GRAMD2A: variants seen among roughly 807,000 people sequenced by gnomAD.
The protein encoded by GRAMD2A is GRAM domain-containing protein 2A.
In GRAMD2A, 37 loss-of-function variants were observed where a neutral mutation model predicts 51.1. That is an observed-to-expected ratio of 0.72 (90% CI 0.56 to 0.95). The LOEUF is 0.95. Among genes scored for constraint, GRAMD2A ranks in the 40% least tolerant of loss-of-function variants. The pLI is 0.00. For missense variants in GRAMD2A, 414 were observed against 426.9 expected (o/e 0.97, Z 0.27); for synonymous variants, 136 against 157.1 (o/e 0.87, Z 1.01).
At chr15:72,183,786 G>A (rs2081715641) in intron 1 of GRAMD2A, among the ~76,000 whole-genome samples, 2 of 152,246 alleles carry the variant, frequency 1.3e-5, no homozygotes, top group Non-Finnish European at 2.9e-5. Context: ...TCTGCTGAAA[G>A]GCCAAGTAAG....
At chr15:72,165,910 C>T (rs2081538849) in intron 7 of GRAMD2A, among the ~76,000 whole-genome samples, 1 of 151,642 alleles carries the variant, frequency 6.6e-6, no homozygotes, top group Admixed American at 6.6e-5. Context: ...CTCTTGTCAC[C>T]CAGGCTGGAG....
intron 1 of GRAMD2A, among the ~76,000 whole-genome samples, chr15:72,184,415 T>C (rs941747706): frequency 7.9e-5 from 12 of 152,226 alleles, no homozygotes; most frequent in Non-Finnish European, 1.6e-4. Context: ...CAGCCAGAGC[T>C]TGCGCAGGCC....
At chr15:72,189,349 G>A (rs1376549599) in intron 1 of GRAMD2A, among the ~76,000 whole-genome samples, 5 of 152,166 alleles carry the variant, frequency 3.3e-5, no homozygotes, top group Non-Finnish European at 7.3e-5. Flanking sequence ...CCACACACAT[G>A]CAGAGACACA....
chr15:72,178,812 G>C (rs143462564), intron 1 of GRAMD2A, among the ~76,000 whole-genome samples: 1 of 151,902 alleles, frequency 6.6e-6, no homozygotes, highest in Non-Finnish European at 1.5e-5. Flanking sequence ...CTGACCTTGT[G>C]ATCCGCCCGC....
At chr15:72,191,445 C>T (rs1172297085) in intron 1 of GRAMD2A, among the ~76,000 whole-genome samples, 6 of 152,114 alleles carry the variant, frequency 3.9e-5, no homozygotes, top group South Asian at 2.1e-4. Flanking sequence ...TCAGGTGATC[C>T]GCCTGCCTTG....
chr15:72,186,976 AT>A (rs1287763470), intron 1 of GRAMD2A, among the ~76,000 whole-genome samples: 2 of 149,154 alleles, frequency 1.3e-5, no homozygotes, highest in East Asian at 4.0e-4. Context: ...GTGAAACCCC[AT>A]CTCTACTAAT....
At chr15:72,190,839 C>T (rs922943140) in intron 1 of GRAMD2A, among the ~76,000 whole-genome samples, 8 of 152,270 alleles carry the variant, frequency 5.3e-5, no homozygotes, top group African/African-American at 1.9e-4. Flanking sequence ...AAATACTCCT[C>T]TAATTAAGCA....
intron 1 of GRAMD2A, among the ~76,000 whole-genome samples, chr15:72,196,311 T>A (rs2081804808): frequency 6.7e-6 from 1 of 150,236 alleles, no homozygotes; most frequent in Admixed American, 6.6e-5. Context: ...AGGTCAGGAG[T>A]TCAAGACCAG....
At chr15:72,187,603 T>C (rs958702442) in intron 1 of GRAMD2A, among the ~76,000 whole-genome samples, 3 of 152,176 alleles carry the variant, frequency 2.0e-5, no homozygotes, top group Non-Finnish European at 4.4e-5. Context: ...AACCTCTGCC[T>C]GCTGGGCTCA....
At chr15:72,180,284 G>A (rs751998699) in intron 1 of GRAMD2A, among the ~76,000 whole-genome samples, 123 of 152,350 alleles carry the variant, frequency 8.1e-4, no homozygotes, top group Non-Finnish European at 1.4e-3. Context: ...CTGCTGGAGC[G>A]GCATCTATTT....
At chr15:72,169,765 G>T (rs938024587) in intron 2 of GRAMD2A, 82 bp downstream of exon 2, 1 of 1,139,004 alleles carries the variant, frequency 8.8e-7, no homozygotes, top group Admixed American at 1.7e-5. Flanking sequence ...CTGCCTTGAG[G>T]TCCTCTTACA....
At chr15:72,186,915 G>C (rs752673862) in intron 1 of GRAMD2A, among the ~76,000 whole-genome samples, 9 of 151,372 alleles carry the variant, frequency 5.9e-5, no homozygotes, top group Non-Finnish European at 1.2e-4. Flanking sequence ...GAGAAGCCGA[G>C]ACAGGTGGAT....
At chr15:72,177,116 C>G (rs1392093936) in intron 1 of GRAMD2A, among the ~76,000 whole-genome samples, 1 of 151,386 alleles carries the variant, frequency 6.6e-6, no homozygotes, top group Non-Finnish European at 1.5e-5. Flanking sequence ...CCCACCTCGG[C>G]TTTCTAAAGT....
At chr15:72,193,648 G>A (rs558608514) in intron 1 of GRAMD2A, among the ~76,000 whole-genome samples, 43 of 151,660 alleles carry the variant, frequency 2.8e-4, no homozygotes, top group African/African-American at 1.0e-3. Flanking sequence ...ACAGCCTCCC[G>A]AGTAGCTGGG....
At chr15:72,168,087 G>A (rs959331458) in intron 4 of GRAMD2A, among the ~76,000 whole-genome samples, 1 of 152,128 alleles carries the variant, frequency 6.6e-6, no homozygotes, top group South Asian at 2.1e-4. Flanking sequence ...TTGCTCCAGA[G>A]GGTCCAGGCA....
chr15:72,191,527 A>G (rs2081767998), intron 1 of GRAMD2A, among the ~76,000 whole-genome samples: 1 of 152,224 alleles, frequency 6.6e-6, no homozygotes, highest in East Asian at 1.9e-4. Flanking sequence ...TTATAGAAAG[A>G]GTCTCCTAAT....
intron 1 of GRAMD2A, among the ~76,000 whole-genome samples, chr15:72,184,595 T>C (rs941716223): frequency 2.6e-5 from 4 of 152,220 alleles, no homozygotes; most frequent in Non-Finnish European, 5.9e-5. Context: ...CCCAGGCTCC[T>C]GCCAACTCGG....
At position 72,167,027 on chromosome 15, in the gene GRAMD2A, A is replaced by G; in HGVS notation, c.438T>C (p.Asn146=). The change falls in exon 6 of 12, where the codon AAT becomes AAC. Residue 146 remains asparagine (N), a synonymous_variant. Transcript: ENST00000309731. Reference sequence around the variant, plus strand: ...TGGTGTTGGTGGTGATGGCCAGTCCATTGGGAAGGAGCCGTGCCATCTTGT... The same window carrying G: ...TGGTGTTGGTGGTGATGGCCAGTCCGTTGGGAAGGAGCCGTGCCATCTTGT... The part of the protein sequence containing the change: ...KKHKMARLLP[N]GLAITTNTSQ... The G allele has an allele frequency of 6.2e-7, 1 of 1,614,092 alleles. No homozygotes were observed. The highest frequency in any genetic ancestry group is 1.1e-5 in the South Asian group (1 of 91,084).
intron 1 of GRAMD2A, among the ~76,000 whole-genome samples, chr15:72,189,158 A>T (rs888358228): frequency 4.6e-5 from 7 of 152,234 alleles, no homozygotes; most frequent in African/African-American, 1.7e-4. Flanking sequence ...AGGAAAAAGA[A>T]TTGTTCCAAA....
Sources: allele counts gnomAD v4.1 joint callset (sites outside exome capture counted in the v4.1 genomes callset), GRCh38; gene constraint gnomAD v4.1.1; transcripts MANE v1.5; gene names NCBI Gene and HGNC (gene_info 2026-07-23, HGNC 2026-07-21).